The following SASH1 variants were observed in gnomAD, a reference collection of about 807,000 sequenced individuals.
SASH1 encodes the protein SAM and SH3 domain containing 1.
In SASH1, 44 loss-of-function variants were observed where a neutral mutation model predicts 125.2. The ratio of observed to expected loss-of-function variants is 0.35; its 90% CI spans 0.28 to 0.45. The LOEUF is 0.45. Among genes scored for constraint, SASH1 ranks in the 20% least tolerant of loss-of-function variants. SASH1 has a pLI of 1.00. For missense variants in SASH1, 1,426 were observed against 1,614.5 expected (o/e 0.88, Z 2.00); for synonymous variants, 639 against 649.1 (o/e 0.98, Z 0.24).
At chr6:148,482,848 C>T (rs553109343) in intron 7 of SASH1, among the ~76,000 whole-genome samples, 2 of 152,140 alleles carry the variant, frequency 1.3e-5, no homozygotes, top group East Asian at 3.9e-4. Context: ...GCCACAACGC[C>T]CAGCTAATTT....
intron 1 of SASH1, among the ~76,000 whole-genome samples, chr6:148,284,642 A>T (rs1025686830): frequency 6.6e-6 from 1 of 152,216 alleles, no homozygotes; most frequent in Non-Finnish European, 1.5e-5. Flanking sequence ...AAATATTATC[A>T]AATGAATTTC....
At chr6:148,371,881 T>C (rs1782719223) in intron 1 of SASH1, among the ~76,000 whole-genome samples, 1 of 152,230 alleles carries the variant, frequency 6.6e-6, no homozygotes, top group African/African-American at 2.4e-5. Flanking sequence ...AGTTTGCTCC[T>C]GGAGGTCATA....
At chr6:148,476,274 CAAAAAAA>C (rs35854127) in intron 7 of SASH1, among the ~76,000 whole-genome samples, 2 of 88,148 alleles carry the variant, frequency 2.3e-5, no homozygotes, top group African/African-American at 4.2e-5. Context: ...AAAAGGACAC[CAAAAAAA>C]AAAAAAAAAA....
At chr6:148,264,848 C>T in the SASH1 span, among the ~76,000 whole-genome samples, 1 of 152,222 alleles carries the variant, frequency 6.6e-6, no homozygotes, top group Non-Finnish European at 1.5e-5. Flanking sequence ...AAAAATTGAG[C>T]ACAGCTATTG....
chr6:148,399,214 CTTTTTTTTTTTTTT>C (rs371374910), intron 2 of SASH1, among the ~76,000 whole-genome samples: 3 of 106,662 alleles, frequency 2.8e-5, no homozygotes, highest in Admixed American at 2.0e-4. Context: ...ATTTCAGCTT[CTTTTTTTTTTTTTT>C]TTTTTTTTTT....
At chr6:148,321,952 G>T (rs1251770426) in intron 1 of SASH1, among the ~76,000 whole-genome samples, 2 of 152,046 alleles carry the variant, frequency 1.3e-5, no homozygotes, top group Admixed American at 6.6e-5. Flanking sequence ...TATATAAATG[G>T]TATACATATA....
chr6:148,434,481 T>C (rs182235640), intron 2 of SASH1, among the ~76,000 whole-genome samples: 8 of 152,344 alleles, frequency 5.3e-5, no homozygotes, highest in Admixed American at 4.6e-4. Context: ...TTTTTTTTCC[T>C]CTATGTGCAC....
At chr6:148,433,858 A>G (rs1287321702) in intron 2 of SASH1, among the ~76,000 whole-genome samples, 4 of 152,022 alleles carry the variant, frequency 2.6e-5, no homozygotes, top group Non-Finnish European at 4.4e-5. Context: ...TAAAAAATAT[A>G]TGAATAATTT....
At chr6:148,364,873 A>G (rs1192490737) in intron 1 of SASH1, among the ~76,000 whole-genome samples, 1 of 152,198 alleles carries the variant, frequency 6.6e-6, no homozygotes, top group Admixed American at 6.5e-5. Flanking sequence ...CTGTAATCTC[A>G]GCACTTTGGG....
At chr6:148,314,025 A>G (rs1562319934) in intron 1 of SASH1, among the ~76,000 whole-genome samples, 2 of 152,140 alleles carry the variant, frequency 1.3e-5, no homozygotes, top group Non-Finnish European at 2.9e-5. Context: ...GTTGCATTCA[A>G]TTTACACCAG....
Position 148,543,821 on chromosome 6 carries a change from A to C in SASH1, c.2351A>C (p.Glu784Ala), listed in dbSNP as rs761301048. 2.5e-6 allele frequency: 4 copies of C among 1,614,080 alleles called. No individual in the cohort carries two copies. The highest frequency in any genetic ancestry group is 3.4e-6 in the Non-Finnish European group (4 of 1,179,990). ...SGDALKQGQEEGRLGGGLAPD... is the reference protein window; with the variant it reads ...SGDALKQGQEAGRLGGGLAPD... ...GATGCACTGAAGCAGGGACAGGAGGAGGGCAGGCTGGGTGGTGGCCTTGCC... is the reference window on the plus strand; with the variant it reads ...GATGCACTGAAGCAGGGACAGGAGGCGGGCAGGCTGGGTGGTGGCCTTGCC... Residue 784 changes from glutamate (E) to alanine (A), a missense_variant, in exon 18 of 20, where the codon GAG becomes GCG. Physicochemically the swap from Glu to Ala is moderately radical, Grantham distance 107. Coordinates refer to ENST00000367467, the MANE Select transcript of SASH1 (RefSeq NM_015278.5).
intron 11 of SASH1, among the ~76,000 whole-genome samples, chr6:148,525,825 C>T (rs1433829656): frequency 6.6e-6 from 1 of 152,122 alleles, no homozygotes; most frequent in African/African-American, 2.4e-5. Flanking sequence ...CCCACATGGC[C>T]TATACTAAGC....
chr6:148,193,877 T>G, the SASH1 span, among the ~76,000 whole-genome samples: 6,684 of 152,334 alleles, frequency 0.044, 196 homozygotes, highest in Non-Finnish European at 0.061. Flanking sequence ...TAAGGCTTTA[T>G]GACTTTGTGG....
intron 1 of SASH1, among the ~76,000 whole-genome samples, chr6:148,302,662 TAC>T (rs749409477): frequency 1.9e-3 from 130 of 66,786 alleles, no homozygotes; most frequent in Admixed American, 2.2e-3. Context: ...TGTATATATA[TAC>T]ACACACACAC....
intron 1 of SASH1, among the ~76,000 whole-genome samples, chr6:148,302,600 A>T (rs1231699157): frequency 8.2e-5 from 1 of 12,180 alleles, no homozygotes; most frequent in Non-Finnish European, 1.7e-4. Context: ...ACACATACAC[A>T]CACACACACA....
At chr6:148,416,126 A>G (rs1784806114) in intron 2 of SASH1, among the ~76,000 whole-genome samples, 1 of 152,146 alleles carries the variant, frequency 6.6e-6, no homozygotes, top group African/African-American at 2.4e-5. Flanking sequence ...GTACCCTCAG[A>G]TGGCCCACCA....
rs539941229 is a variant in SASH1 at position 148,544,089 on chromosome 6, C to T, written c.2619C>T (p.Thr873=). The T allele has an allele frequency of 2.1e-5, 34 of 1,614,044 alleles. No individual in the cohort carries two copies. Among genetic ancestry groups the T allele is most frequent in the East Asian group, 4.5e-5 (2 of 44,876 alleles). Residue 873 remains threonine (T), a synonymous_variant, in exon 18 of 20, where the codon ACC becomes ACT. Transcript: ENST00000367467. This position sits in a 1 kb window ranked among gnomAD's most constrained non-coding sequence, Gnocchi z 6.4. ...QIVPEVPQKT[T]ASSTKAQPLE... ...TACCTGAAGTGCCACAGAAGACGAC[C>T]GCCTCTTCCACGAAGGCCCAGCCCC...
the SASH1 span, among the ~76,000 whole-genome samples, chr6:148,199,549 T>C: frequency 6.6e-6 from 1 of 151,934 alleles, no homozygotes; most frequent in African/African-American, 2.4e-5. Flanking sequence ...AGTTTAAAAA[T>C]TAACTAGATG....
At chr6:148,406,786 A>C (rs1784393443) in intron 2 of SASH1, among the ~76,000 whole-genome samples, 1 of 150,472 alleles carries the variant, frequency 6.6e-6, no homozygotes, top group African/African-American at 2.5e-5. Context: ...CCAAGGGAGG[A>C]GCAGAGAGAA....
Sources: gnomAD v4.1 joint callset for allele counts (sites outside exome capture counted in the v4.1 genomes callset) on GRCh38, gnomAD v4.1.1 for gene constraint, Gnocchi (gnomAD v3.1) non-coding constraint, MANE v1.5 for transcripts, NCBI Gene and HGNC (gene_info 2026-07-23, HGNC 2026-07-21) for gene names.